EPHA6: variants seen among roughly 807,000 people sequenced by gnomAD.
EPHA6 encodes the protein ephrin type-A receptor 6.
A neutral mutation model predicts 112.0 loss-of-function variants in EPHA6; 50 were observed. The observed-to-expected ratio is 0.45, with a 90% CI of 0.36 to 0.56. EPHA6 has a LOEUF of 0.56. Among genes scored for constraint, EPHA6 ranks in the 20% least tolerant of loss-of-function variants. The pLI is 0.00. For synonymous variants in EPHA6, 529 were observed against 490.7 expected (o/e 1.08, Z -1.03); for missense variants, 1,280 against 1,417.4 (o/e 0.90, Z 1.56).
intron 14 of EPHA6, among the ~76,000 whole-genome samples, chr3:97,640,790 AC>A (rs1458220846): frequency 1.3e-5 from 2 of 152,076 alleles, no homozygotes; most frequent in African/African-American, 2.4e-5. Flanking sequence ...CAAAAAAAAA[AC>A]AAAAGATATT....
intron 14 of EPHA6, among the ~76,000 whole-genome samples, chr3:97,641,809 A>C (rs1243078837): frequency 6.6e-6 from 1 of 152,158 alleles, no homozygotes; most frequent in East Asian, 1.9e-4. Flanking sequence ...AGTCTCGCTG[A>C]TTGCTAGCAC....
chr3:97,596,483 T>C (rs1388258954), intron 12 of EPHA6, among the ~76,000 whole-genome samples: 2 of 152,036 alleles, frequency 1.3e-5, no homozygotes, highest in African/African-American at 4.8e-5. Context: ...TTAATAGTGA[T>C]GGAGTAACAT....
At chr3:97,234,982 A>G (rs1317535751) in intron 4 of EPHA6, among the ~76,000 whole-genome samples, 1 of 152,052 alleles carries the variant, frequency 6.6e-6, no homozygotes, top group South Asian at 2.1e-4. Context: ...AAGATGCTGA[A>G]CTTGTGTTCA....
intron 3 of EPHA6, among the ~76,000 whole-genome samples, chr3:97,074,103 C>A (rs2046441389): frequency 6.6e-6 from 1 of 151,846 alleles, no homozygotes; most frequent in Non-Finnish European, 1.5e-5. Flanking sequence ...CATATAGTTA[C>A]ACACACCACG....
chr3:97,537,815 G>A (rs1385906034), intron 11 of EPHA6, among the ~76,000 whole-genome samples: 1 of 152,136 alleles, frequency 6.6e-6, no homozygotes. Context: ...CCAACCTCAA[G>A]TGATCCACCT....
At chr3:97,702,545 C>G (rs2033453485) in intron 14 of EPHA6, among the ~76,000 whole-genome samples, 1 of 152,184 alleles carries the variant, frequency 6.6e-6, no homozygotes, top group Non-Finnish European at 1.5e-5. Context: ...AAATGTAGCA[C>G]AGAGAGAAAC....
At chr3:97,619,217 T>C (rs1294278588) in intron 13 of EPHA6, among the ~76,000 whole-genome samples, 1 of 151,972 alleles carries the variant, frequency 6.6e-6, no homozygotes, top group Non-Finnish European at 1.5e-5. Flanking sequence ...ATTCAACTCC[T>C]TCATGTTAAA....
chr3:96,914,231 G>A lies in EPHA6; in HGVS notation c.450+47342G>A, dbSNP rs55852361. Among the ~76,000 whole-genome samples, 847 of 151,848 alleles carry A rather than the reference G, an allele frequency of 5.6e-3. 3 individuals are homozygous for A. Among genetic ancestry groups the A allele is most frequent in the Non-Finnish European group, 8.1e-3 (548 of 67,912 alleles). ...ATAAAACACTATCCAAAATATCAGG[G>A]GATATTGATGAATTGTAGATATCTA... On this transcript the variant is annotated intron_variant, in intron 2 of 17. Coordinates refer to ENST00000389672, the MANE Select transcript of EPHA6 (RefSeq NM_001080448.3).
intron 7 of EPHA6, among the ~76,000 whole-genome samples, chr3:97,458,879 G>A (rs1015349942): frequency 2.0e-5 from 3 of 152,064 alleles, no homozygotes; most frequent in African/African-American, 7.2e-5. Context: ...TAGGCACTAG[G>A]AATTCAAAAA....
chr3:97,188,703 T>C (rs925914283), intron 3 of EPHA6, among the ~76,000 whole-genome samples: 1 of 151,980 alleles, frequency 6.6e-6, no homozygotes, highest in African/African-American at 2.4e-5. Context: ...AAATTTAATC[T>C]ACATTATGCA....
chr3:96,917,810 G>A (rs1576027999), intron 2 of EPHA6, among the ~76,000 whole-genome samples: 1 of 152,232 alleles, frequency 6.6e-6, no homozygotes. Flanking sequence ...GCCTCCCCGG[G>A]TGAGAAGGAA....
chr3:97,682,215 C>T (rs570157051), intron 14 of EPHA6, among the ~76,000 whole-genome samples: 1 of 152,036 alleles, frequency 6.6e-6, no homozygotes, highest in African/African-American at 2.4e-5. Flanking sequence ...GAGGCAGTAC[C>T]CAAACTTCAT....
rs1172032216 is a variant in EPHA6, at chr3:97,576,285, CA to C, written c.2387-16326del. Among the ~76,000 whole-genome samples, 10 of 130,182 alleles carry C rather than the reference CA, an allele frequency of 7.7e-5. No homozygotes were observed. In the East Asian group the frequency reaches 2.0e-3, roughly 26 times the overall value. 85.4% of individuals were successfully genotyped at this position (130,182 alleles called of 152,430 possible). A position where few individuals can be genotyped will look rare whatever the true frequency, so the allele number is the denominator to read the frequency against. On this transcript the variant is annotated intron_variant, in intron 11 of 17. Coordinates refer to ENST00000389672, the MANE Select transcript of EPHA6 (RefSeq NM_001080448.3). ...CAGATTTTGTAAAAAGTTGTTTATT[CA>C]TTTTTTTTCCTTGATCAGTCCAGGG...
chr3:96,979,651 G>C (rs1222453054), intron 2 of EPHA6, among the ~76,000 whole-genome samples: 1 of 152,130 alleles, frequency 6.6e-6, no homozygotes, highest in East Asian at 1.9e-4. Context: ...GGTTGAACTA[G>C]TTTACAGACC....
chr3:97,270,746 A>G (rs931275141), intron 5 of EPHA6, among the ~76,000 whole-genome samples: 4 of 152,244 alleles, frequency 2.6e-5, no homozygotes, highest in Admixed American at 2.6e-4. Flanking sequence ...GAGGATCTTC[A>G]TGATATCCTC....
chr3:97,688,565 G>A (rs533466938), intron 14 of EPHA6, among the ~76,000 whole-genome samples: 19 of 123,476 alleles, frequency 1.5e-4, no homozygotes, highest in African/African-American at 5.7e-4. Flanking sequence ...TCACACACTG[G>A]GGCCTGTCAT....
chr3:97,346,600 G>C lies in EPHA6; in HGVS notation c.1607-58550G>C, dbSNP rs570920470. On this transcript the variant is annotated intron_variant, in intron 5 of 17. Transcript: ENST00000389672. ...ACTGATTAGTAAGGGAAAGGAGGAAGGAACGTTTACAGGACATACTCTTCT... is the reference window on the plus strand; with the variant it reads ...ACTGATTAGTAAGGGAAAGGAGGAACGAACGTTTACAGGACATACTCTTCT... Among the ~76,000 whole-genome samples, 3 of 151,978 alleles carry C rather than the reference G, an allele frequency of 2.0e-5. No homozygotes were observed. The South Asian group carries it at 6.2e-4, about 32-fold the overall frequency.
At chr3:97,518,715 G>T (rs2092488362) in intron 10 of EPHA6, among the ~76,000 whole-genome samples, 1 of 151,964 alleles carries the variant, frequency 6.6e-6, no homozygotes, top group African/African-American at 2.4e-5. Context: ...GTTCTAATTT[G>T]CATTTTCCTG....
At chr3:97,049,706 T>C (rs538182361) in intron 3 of EPHA6, among the ~76,000 whole-genome samples, 11 of 152,266 alleles carry the variant, frequency 7.2e-5, no homozygotes, top group African/African-American at 2.4e-4. Flanking sequence ...ATTTCAAGAC[T>C]GGGCATCTGG....
Sources: gnomAD v4.1 joint callset for allele counts (sites outside exome capture counted in the v4.1 genomes callset) on GRCh38, gnomAD v4.1.1 for gene constraint, MANE v1.5 for transcripts, NCBI Gene and HGNC (gene_info 2026-07-23, HGNC 2026-07-21) for gene names.